Variants in CCBE1 observed in about 807,000 individuals in gnomAD.
CCBE1 encodes collagen and calcium binding EGF domains 1, also known as collagen and calcium-binding EGF domain-containing protein 1.
A neutral mutation model predicts 50.0 loss-of-function variants in CCBE1; 37 were observed. The ratio of observed to expected loss-of-function variants is 0.74; its 90% CI spans 0.57 to 0.97. The LOEUF is 0.97. Ranked by LOEUF, CCBE1 falls within the 50% of genes least tolerant of loss-of-function variation. CCBE1 has a pLI of 0.00. For synonymous variants in CCBE1, 234 were observed against 203.7 expected (o/e 1.15, Z -1.27); for missense variants, 538 against 523.8 (o/e 1.03, Z -0.26).
chr18:59,694,469 A>T (rs1164887139), intron 2 of CCBE1, among the ~76,000 whole-genome samples: 5 of 152,148 alleles, frequency 3.3e-5, no homozygotes, highest in Admixed American at 6.5e-5. Context: ...TCCTTTAAGG[A>T]TCTGTCTAAA....
chr18:59,600,089 T>C (rs2053410055), intron 2 of CCBE1, among the ~76,000 whole-genome samples: 1 of 152,118 alleles, frequency 6.6e-6, no homozygotes, highest in Non-Finnish European at 1.5e-5. Flanking sequence ...ATATTAGATA[T>C]TTTTGTTCCT....
intron 2 of CCBE1, among the ~76,000 whole-genome samples, chr18:59,684,616 C>T (rs867511289): frequency 3.5e-4 from 54 of 152,348 alleles, no homozygotes; most frequent in African/African-American, 1.2e-3. Context: ...CCTCTATACA[C>T]AAAATGCAGT....
rs546471266 is a variant in CCBE1, at chr18:59,687,140, A to G, written c.212+9489T>C. ...AATGAAGCAAGGACACATTATCAAG[A>G]GCAATCCAAATGAAAGCTAAGAGGT... is the stretch of plus-strand genomic sequence containing the variant. On this transcript the variant is annotated intron_variant, in intron 2 of 10. Coordinates refer to ENST00000439986, the MANE Select transcript of CCBE1 (RefSeq NM_133459.4). 9.2e-5 allele frequency among the ~76,000 whole-genome samples: 14 copies of G among 152,336 alleles called. No individual in the cohort carries two copies. In the East Asian group the frequency reaches 9.6e-4, roughly 10 times the overall value.
At chr18:59,567,131 T>C (rs893332767) in intron 2 of CCBE1, among the ~76,000 whole-genome samples, 6 of 152,164 alleles carry the variant, frequency 3.9e-5, no homozygotes, top group East Asian at 1.9e-4. Context: ...CTTTTCTTTT[T>C]TTTTGAAATG....
chr18:59,599,181 G>A (rs2053396606), intron 2 of CCBE1, among the ~76,000 whole-genome samples: 1 of 152,130 alleles, frequency 6.6e-6, no homozygotes, highest in Non-Finnish European at 1.5e-5. Context: ...GAAGCAAGAA[G>A]GAAGAAGATG....
intron 2 of CCBE1, among the ~76,000 whole-genome samples, chr18:59,532,883 T>C (rs910011488): frequency 6.6e-6 from 1 of 152,176 alleles, no homozygotes; most frequent in Admixed American, 6.5e-5. Context: ...CTGAATCCCA[T>C]CAATGGTACA....
chr18:59,644,340 A>G (rs954817944), intron 2 of CCBE1, among the ~76,000 whole-genome samples: 27 of 152,164 alleles, frequency 1.8e-4, no homozygotes, highest in African/African-American at 6.5e-4. Flanking sequence ...CCCCTGGTCT[A>G]TGGAACACAA....
At chr18:59,538,109 CTT>C (rs1445937620) in intron 2 of CCBE1, among the ~76,000 whole-genome samples, 3 of 152,156 alleles carry the variant, frequency 2.0e-5, no homozygotes, top group Non-Finnish European at 4.4e-5. Context: ...CACCTAAAGA[CTT>C]ATGGTCCCAT....
intron 5 of CCBE1, among the ~76,000 whole-genome samples, chr18:59,456,031 T>G (rs780086632): frequency 6.6e-6 from 1 of 152,196 alleles, no homozygotes; most frequent in Non-Finnish European, 1.5e-5. Flanking sequence ...AAGCCCTCTG[T>G]TCCATCTCCA....
intron 2 of CCBE1, among the ~76,000 whole-genome samples, chr18:59,545,620 G>A (rs1915651580): frequency 6.6e-6 from 1 of 152,158 alleles, no homozygotes; most frequent in African/African-American, 2.4e-5. Context: ...CAATGATAAG[G>A]TTTGGCTGTG....
chr18:59,589,605 C>A (rs184534087), intron 2 of CCBE1, among the ~76,000 whole-genome samples: 1 of 151,988 alleles, frequency 6.6e-6, no homozygotes, highest in African/African-American at 2.4e-5. Flanking sequence ...ACCATCCTGG[C>A]TCACATGGTG....
At chr18:59,642,287 C>T (rs1382311840) in intron 2 of CCBE1, among the ~76,000 whole-genome samples, 1 of 152,110 alleles carries the variant, frequency 6.6e-6, no homozygotes, top group African/African-American at 2.4e-5. Flanking sequence ...ATTAAAACTC[C>T]AAAGATACCA....
At chr18:59,577,168 A>T (rs1251689856) in intron 2 of CCBE1, among the ~76,000 whole-genome samples, 1 of 152,184 alleles carries the variant, frequency 6.6e-6, no homozygotes, top group Non-Finnish European at 1.5e-5. Context: ...AAAATAGGAA[A>T]GGGATGGCGA....
intron 2 of CCBE1, among the ~76,000 whole-genome samples, chr18:59,583,680 T>TGC (rs35460738): frequency 0.039 from 2,333 of 59,226 alleles, 35 homozygotes; most frequent in South Asian, 0.084. Flanking sequence ...TGTGTGTGTG[T>TGC]GCGCGCGCGC....
chr18:59,633,577 G>T (rs2053877983), intron 2 of CCBE1, among the ~76,000 whole-genome samples: 1 of 152,106 alleles, frequency 6.6e-6, no homozygotes, highest in South Asian at 2.1e-4. Context: ...GGCTCCTCTG[G>T]ATCCCTCACG....
At chr18:59,687,563 C>T (rs957129501) in intron 2 of CCBE1, among the ~76,000 whole-genome samples, 2 of 152,156 alleles carry the variant, frequency 1.3e-5, no homozygotes, top group African/African-American at 4.8e-5. Flanking sequence ...CTGTTCTCTC[C>T]TTCTCCACTA....
intron 2 of CCBE1, among the ~76,000 whole-genome samples, chr18:59,667,337 C>A (rs558658970): frequency 1.3e-5 from 2 of 152,250 alleles, no homozygotes; most frequent in East Asian, 3.9e-4. Context: ...TTGTACACTG[C>A]AGAAAAATTA....
In CCBE1 at chr18:59,573,299, ATATG is replaced by A. The variant is rs1278433054; in HGVS notation, c.213-93065_213-93062del. 1.7e-3 allele frequency among the ~76,000 whole-genome samples: 202 copies of A among 121,550 alleles called. 14 individuals are homozygous for A. The highest frequency in any genetic ancestry group is 8.6e-3 in the African/African-American group (194 of 22,620). 79.7% of individuals were successfully genotyped at this position (121,550 alleles called of 152,430 possible). Reference sequence around the variant, plus strand: ...GACTCCGTCTAATATATATATATATATATGTATGTATGTGATAGGCCTCATCCAA... The same window carrying A: ...GACTCCGTCTAATATATATATATATATATGTATGTGATAGGCCTCATCCAA... On this transcript the variant is annotated intron_variant, in intron 2 of 10. Transcript: ENST00000439986.
chr18:59,469,187 A>G (rs1598927301), intron 4 of CCBE1, among the ~76,000 whole-genome samples: 1 of 152,260 alleles, frequency 6.6e-6, no homozygotes, highest in East Asian at 1.9e-4. Flanking sequence ...CTGACCACTT[A>G]TACTCTGTTT....
Sources: gnomAD v4.1 joint callset for allele counts (sites outside exome capture counted in the v4.1 genomes callset) on GRCh38, gnomAD v4.1.1 for gene constraint, MANE v1.5 for transcripts, NCBI Gene and HGNC (gene_info 2026-07-23, HGNC 2026-07-21) for gene names.